Variants in NHS observed in about 807,000 individuals in gnomAD.
NHS encodes the protein NHS actin remodeling regulator.
Under a neutral mutation model 72.5 loss-of-function variants are expected in NHS, and 5 were observed. The ratio of observed to expected loss-of-function variants is 0.07; its 90% CI spans 0.04 to 0.14. The LOEUF (loss-of-function observed/expected upper bound fraction) is 0.14, where lower values mean the gene tolerates loss of function less well. Ranked by LOEUF, NHS falls within the 10% of genes least tolerant of loss-of-function variation. The probability of loss-of-function intolerance (pLI) is 1.00; values close to 1 mark genes in which losing one functional copy is unlikely to be tolerated. For synonymous variants in NHS, 464 were observed against 547.7 expected (o/e 0.85, Z 2.13); for missense variants, 1,072 against 1,355.7 (o/e 0.79, Z 3.29).
intron 1 of NHS, among the ~76,000 whole-genome samples, chrX:17,521,466 G>A (rs184803464): frequency 4.0e-4 from 44 of 108,662 alleles, no homozygotes; most frequent in African/African-American, 1.5e-3. Context: ...GGGCTCAAGC[G>A]ATCCTCCTAC....
intron 1 of NHS, among the ~76,000 whole-genome samples, chrX:17,392,373 G>A (rs1352680677): frequency 1.8e-5 from 2 of 112,360 alleles, no homozygotes; most frequent in African/African-American, 6.5e-5. Flanking sequence ...ACAGCAGTTA[G>A]CCAACCATGA....
chrX:17,507,420 A>C (rs949416607), intron 1 of NHS, among the ~76,000 whole-genome samples: 1 of 111,619 alleles, frequency 9.0e-6, no homozygotes, highest in Non-Finnish European at 1.9e-5. Context: ...TTTGAGATGG[A>C]AAAACACAAA....
At chrX:17,603,237 C>A (rs1055930020) in intron 1 of NHS, among the ~76,000 whole-genome samples, 16 of 112,073 alleles carry the variant, frequency 1.4e-4, no homozygotes, top group African/African-American at 5.2e-4. Context: ...CTGCTGTTAA[C>A]ATGAGAAATT....
At chrX:17,539,546 GA>G (rs879775948) in intron 1 of NHS, among the ~76,000 whole-genome samples, 1 of 109,731 alleles carries the variant, frequency 9.1e-6, no homozygotes, top group Non-Finnish European at 1.9e-5. Flanking sequence ...GTGGCAATTA[GA>G]ACATGTTTTC....
chrX:17,731,796 T>C, intron 8 of NHS, 62 bp from the exon 9 acceptor site: 1 of 1,150,937 alleles, frequency 8.7e-7, no homozygotes, highest in South Asian at 2.1e-5. Context: ...GACTGAATAC[T>C]TCAGTTTCAT....
At chrX:17,454,249 C>T (rs1323014578) in intron 1 of NHS, among the ~76,000 whole-genome samples, 3 of 111,377 alleles carry the variant, frequency 2.7e-5, no homozygotes, top group Admixed American at 9.6e-5. Flanking sequence ...ACTAGAAAGC[C>T]AAGTAAAGGA....
chrX:17,720,509 G>C (rs748615420), intron 4 of NHS, among the ~76,000 whole-genome samples: 18 of 112,620 alleles, frequency 1.6e-4, no homozygotes, highest in African/African-American at 5.8e-4. Context: ...GGTGAAAACT[G>C]AGTCTTTTAA....
At chrX:17,444,206 G>T (rs2064768761) in intron 1 of NHS, among the ~76,000 whole-genome samples, 1 of 111,813 alleles carries the variant, frequency 8.9e-6, no homozygotes, top group Non-Finnish European at 1.9e-5. Flanking sequence ...CAAGGGGCTA[G>T]AAAAATATCT....
intron 1 of NHS, among the ~76,000 whole-genome samples, chrX:17,645,540 A>C (rs2033765016): frequency 9.0e-6 from 1 of 111,560 alleles, no homozygotes; most frequent in Non-Finnish European, 1.9e-5. Context: ...AAATCCAGAG[A>C]CACAAAATGA....
At chrX:17,532,475 G>T (rs2065203059) in intron 1 of NHS, among the ~76,000 whole-genome samples, 2 of 111,775 alleles carry the variant, frequency 1.8e-5, no homozygotes, top group African/African-American at 6.5e-5. Flanking sequence ...ATGGACGATG[G>T]CACCAGAAGT....
intron 3 of NHS, among the ~76,000 whole-genome samples, chrX:17,701,994 G>T (rs905373451): frequency 9.0e-6 from 1 of 111,270 alleles, no homozygotes; most frequent in Admixed American, 9.6e-5. Flanking sequence ...TGACTGTACA[G>T]GAAGGAAAAA....
intron 3 of NHS, among the ~76,000 whole-genome samples, chrX:17,701,205 T>C (rs1446890634): frequency 2.7e-5 from 3 of 111,619 alleles, no homozygotes; most frequent in Middle Eastern, 4.2e-3. Flanking sequence ...CACAAGAAAA[T>C]TGCCTGAGGA....
intron 1 of NHS, among the ~76,000 whole-genome samples, chrX:17,662,913 T>C (rs945814837): frequency 3.6e-5 from 4 of 112,045 alleles, no homozygotes; most frequent in African/African-American, 1.3e-4. Context: ...GTCTTAGATA[T>C]TGGGTTATTG....
intron 1 of NHS, among the ~76,000 whole-genome samples, chrX:17,575,123 C>T (rs762081896): frequency 1.1e-3 from 120 of 112,795 alleles, no homozygotes; most frequent in Non-Finnish European, 1.7e-3. Context: ...GGCCTCCCTA[C>T]GTCCACTAGT....
intron 4 of NHS, among the ~76,000 whole-genome samples, chrX:17,721,125 ATCTG>A (rs2066403610): frequency 1.8e-5 from 2 of 111,878 alleles, no homozygotes; most frequent in African/African-American, 6.5e-5. Flanking sequence ...TTGAAAGTGG[ATCTG>A]TCTTTCATTG....
intron 1 of NHS, among the ~76,000 whole-genome samples, chrX:17,432,144 C>T (rs2064697181): frequency 8.9e-6 from 1 of 112,593 alleles, no homozygotes. Flanking sequence ...CCTGGACAAA[C>T]AATTTAACTT....
intron 1 of NHS, among the ~76,000 whole-genome samples, chrX:17,398,363 G>C: frequency 8.9e-6 from 1 of 112,276 alleles, no homozygotes; most frequent in Non-Finnish European, 1.9e-5. Flanking sequence ...CTTGTTTAAA[G>C]ATCGAGACTC....
intron 1 of NHS, among the ~76,000 whole-genome samples, chrX:17,518,276 A>C (rs769483908): frequency 8.9e-6 from 1 of 112,102 alleles, no homozygotes; most frequent in East Asian, 2.8e-4. Context: ...GGCCCAGCCA[A>C]CTCTGAGTTC....
chrX:17,674,322 G>T (rs930719554), intron 1 of NHS, among the ~76,000 whole-genome samples: 3 of 112,221 alleles, frequency 2.7e-5, no homozygotes, highest in African/African-American at 9.7e-5. Context: ...AGCACAAAAT[G>T]CCTTGAACTT....
Sources: allele counts gnomAD v4.1 joint callset (sites outside exome capture counted in the v4.1 genomes callset), GRCh38; gene constraint gnomAD v4.1.1; transcripts MANE v1.5; gene names NCBI Gene and HGNC (gene_info 2026-07-23, HGNC 2026-07-21).